Variants in RND1 observed in about 807,000 individuals in gnomAD.
The protein encoded by RND1 is rho-related GTP-binding protein Rho6.
Under a neutral mutation model 27.1 loss-of-function variants are expected in RND1, and 9 were observed. That is an observed-to-expected ratio of 0.33 (90% CI 0.20 to 0.58). The LOEUF (loss-of-function observed/expected upper bound fraction) is 0.58. RND1 is among the 20% of genes least tolerant of loss of function. The probability of loss-of-function intolerance (pLI) is 0.86; values close to 1 mark genes in which losing one functional copy is unlikely to be tolerated. For missense variants in RND1, 253 were observed against 292.2 expected (o/e 0.87, Z 0.98); for synonymous variants, 108 against 115.7 (o/e 0.93, Z 0.43).
intron 4 of RND1, 55 bp from the exon 5 acceptor site, chr12:48,858,296 T>C: frequency 6.3e-7 from 1 of 1,579,454 alleles, no homozygotes; most frequent in South Asian, 1.2e-5. Flanking sequence ...TCTGGGACGC[T>C]GCCTCTGTGC....
intron 1 of RND1, chr12:48,865,389 A>G: frequency 2.0e-6 from 1 of 510,170 alleles, no homozygotes; most frequent in Non-Finnish European, 3.6e-6. Flanking sequence ...GGGACGCAGG[A>G]AGGTGGAGGG....
In RND1 at chr12:48,865,684, C is replaced by T. The variant is rs1565684326; in HGVS notation, c.84G>A (p.Ala28=). ...LVGDVQCGKT[A]MLQVLAKDCY... ...AATCCTTCGCTAACACTTGCAACATCGCGGTCTTCCCACACTGCACGTCCC... is the reference window on the plus strand; with the variant it reads ...AATCCTTCGCTAACACTTGCAACATTGCGGTCTTCCCACACTGCACGTCCC... Residue 28 remains alanine, a synonymous_variant, in exon 1 of 5, where the codon GCG becomes GCA. Transcript: ENST00000309739. 1.9e-6 allele frequency: 3 copies of T among 1,614,148 alleles called. 1 individual carries two copies. Among genetic ancestry groups the T allele is most frequent in the Middle Eastern group, 3.3e-4 (2 of 6,062 alleles).
intron 3 of RND1, among the ~76,000 whole-genome samples, 176 bp downstream of exon 3, chr12:48,861,833 T>C (rs1480044377): frequency 6.6e-6 from 1 of 152,096 alleles, no homozygotes; most frequent in African/African-American, 2.4e-5. Flanking sequence ...GGCAGTGGGG[T>C]AAGGAGACCC....
chr12:48,857,474 A>T lies in RND1; in HGVS notation c.*522T>A, dbSNP rs2137505364. The T allele has an allele frequency of 6.5e-6, 1 of 153,894 alleles. No individual in the cohort carries two copies. Among genetic ancestry groups the T allele is most frequent in the East Asian group, 1.9e-4 (1 of 5,188 alleles). The allele number at this position is 153,894 out of a possible 1,614,324, so 9.5% of individuals were successfully genotyped here. A position where few individuals can be genotyped will look rare whatever the true frequency, so the allele number is the denominator to read the frequency against. Reference sequence around the variant, plus strand: ...TATGCAAAGATGAGGTTTCCTTCTCATTGGCTCTGACCAGCTCCTGCACTT... The same window carrying T: ...TATGCAAAGATGAGGTTTCCTTCTCTTTGGCTCTGACCAGCTCCTGCACTT... On this transcript the variant is annotated 3_prime_UTR_variant, in exon 5 of 5. Coordinates refer to ENST00000309739, the MANE Select transcript of RND1 (RefSeq NM_014470.4).
In RND1 at chr12:48,865,751, G is replaced by T. The variant is rs760538438; in HGVS notation, c.17C>A (p.Ala6Asp). 5.6e-6 allele frequency: 9 copies of T among 1,604,608 alleles called. No homozygotes were observed. The highest frequency in any genetic ancestry group is 1.7e-5 in the Admixed American group (1 of 59,676). The change falls in exon 1 of 5, where the codon GCC becomes GAC. Residue 6 changes from alanine to aspartate, a missense_variant. Ala to Asp is a moderately radical substitution (Grantham distance 126, BLOSUM62 -2). Transcript: ENST00000309739. ...ACATCTGGCCACGACTGGCTGGGGG[G>T]CCCGTCTCTCCTTCATGGTTGCAGT... is the stretch of plus-strand genomic sequence containing the variant. MKERRAPQPVVARCKL... is the reference protein window; with the variant it reads MKERRDPQPVVARCKL...
rs1938980579 is a variant in RND1 at position 48,865,824 on chromosome 12, G to T, written c.-57C>A. On this transcript the variant is annotated 5_prime_UTR_variant, in exon 1 of 5. Transcript: ENST00000309739. ...TTCAGAAGGGAGGGTTGCGCCAGGTGCGTCTCAGCACGCCAATCAAGCCAG... is the reference window on the plus strand; with the variant it reads ...TTCAGAAGGGAGGGTTGCGCCAGGTTCGTCTCAGCACGCCAATCAAGCCAG... The T allele has an allele frequency of 1.3e-6, 2 of 1,536,022 alleles. No individual in the cohort carries two copies. Among genetic ancestry groups the T allele is most frequent in the Admixed American group, 3.7e-5 (2 of 53,430 alleles).
At position 48,865,831 on chromosome 12, in the gene RND1, A is replaced by G. The variant is rs1175259089; in HGVS notation, c.-64T>C. On this transcript the variant is annotated 5_prime_UTR_variant, in exon 1 of 5. Coordinates refer to ENST00000309739, the MANE Select transcript of RND1 (RefSeq NM_014470.4). ...GGGAGGGTTGCGCCAGGTGCGTCTC[A>G]GCACGCCAATCAAGCCAGATTCCCT... 1.3e-6 allele frequency: 2 copies of G among 1,529,912 alleles called. No homozygotes were observed. Among genetic ancestry groups the G allele is most frequent in the South Asian group, 1.3e-5 (1 of 78,732 alleles). 94.8% of individuals were successfully genotyped at this position (1,529,912 alleles called of 1,614,324 possible). A position where few individuals can be genotyped will look rare whatever the true frequency, so the allele number is the denominator to read the frequency against.
intron 2 of RND1, among the ~76,000 whole-genome samples, chr12:48,864,384 G>GGTGTGTGTGTGTGTGT (rs539837491): frequency 4.3e-4 from 61 of 141,794 alleles, no homozygotes; most frequent in African/African-American, 1.6e-3. Flanking sequence ...GGAAGTAAAA[G>GGTGTGTGTGTGTGTGT]GTGTGTGTGT....
At chr12:48,865,627 G>T in intron 1 of RND1, 21 bp downstream of exon 1, 1 of 1,602,514 alleles carries the variant, frequency 6.2e-7, no homozygotes. Flanking sequence ...AAGCCGGCCA[G>T]CGGGCGGGCG....
intron 2 of RND1, among the ~76,000 whole-genome samples, chr12:48,863,341 C>G (rs1423399969): frequency 1.3e-5 from 2 of 151,840 alleles, no homozygotes; most frequent in Non-Finnish European, 2.9e-5. Context: ...GGGTGTGACA[C>G]AGGGAACAGA....
intron 1 of RND1, 126 bp from the exon 2 acceptor site, chr12:48,864,996 G>T: frequency 1.3e-6 from 1 of 761,890 alleles, no homozygotes; most frequent in Non-Finnish European, 2.4e-6. Context: ...CAGAGGAGAT[G>T]CCTGGGGCAG....
At position 48,861,070 on chromosome 12, in the gene RND1, G is replaced by A; in HGVS notation, c.380C>T (p.Thr127Ile). The A allele has an allele frequency of 6.2e-7, 1 of 1,614,168 alleles. No homozygotes were observed. The highest frequency in any genetic ancestry group is 8.5e-7 in the Non-Finnish European group (1 of 1,180,024). Residue 127 changes from threonine to isoleucine, a missense_variant, in exon 4 of 5, where the codon ACA becomes ATA. By Grantham distance (89) the Thr-to-Ile change is moderately conservative. Coordinates refer to ENST00000309739, the MANE Select transcript of RND1 (RefSeq NM_014470.4). The stretch of plus-strand genomic sequence containing the variant: ...AGTACTCAGGTCTGTTCGCAGGTCT[G>A]TCTTGCAGCCAATGAGCAAAACGCG... The part of the protein sequence containing the change: ...STRVLLIGCK[T>I]DLRTDLSTLM...
Position 48,865,567 on chromosome 12 carries a change from C to A in RND1, c.120+81G>T, listed in dbSNP as rs1165911694. 4.0e-6 allele frequency: 6 copies of A among 1,493,836 alleles called. No individual in the cohort carries two copies. The South Asian group carries it at 6.0e-5, about 15-fold the overall frequency. The allele number at this position is 1,493,836 out of a possible 1,614,324, so 92.5% of individuals were successfully genotyped here. ...GGATGGGCTGGGGCTGGGGGAGCCA[C>A]GTCTCCTGAGCAGGTGGAAATCTAC... On this transcript the variant is annotated intron_variant, in intron 1 of 4. Coordinates refer to ENST00000309739, the MANE Select transcript of RND1 (RefSeq NM_014470.4).
At chr12:48,864,230 A>C (rs1468295293) in intron 2 of RND1, among the ~76,000 whole-genome samples, 1 of 152,150 alleles carries the variant, frequency 6.6e-6, no homozygotes, top group Non-Finnish European at 1.5e-5. Context: ...GAGCTGCGGC[A>C]GGAGGACAGC....
intron 1 of RND1, chr12:48,865,322 A>G: frequency 2.4e-6 from 1 of 415,096 alleles, no homozygotes; most frequent in Non-Finnish European, 4.5e-6. Flanking sequence ...GATTACGTCA[A>G]GAAGAAACCC....
chr12:48,860,892 C>G (rs2137507970), intron 4 of RND1, 105 bp downstream of exon 4: 3 of 1,523,250 alleles, frequency 2.0e-6, no homozygotes, highest in South Asian at 2.3e-5. Context: ...AACAGCAATT[C>G]TCTCTTGCCA....
In RND1 at chr12:48,862,031, G is replaced by A; in HGVS notation, c.296C>T (p.Thr99Ile). 1.9e-6 allele frequency: 3 copies of A among 1,608,004 alleles called. No homozygotes were observed. The highest frequency in any genetic ancestry group is 2.6e-6 in the Non-Finnish European group (3 of 1,174,380). ...LLCFDISRPE[T>I]VDSALKKWRT... ...TACCTTCTTGAGTGCGCTGTCCACT[G>A]TCTCTGGACGGCTGATGTCAAAACA... Residue 99 changes from threonine to isoleucine, a missense_variant, in exon 3 of 5, where the codon ACA becomes ATA. Transcript: ENST00000309739.
intron 3 of RND1, 60 bp from the exon 4 acceptor site, chr12:48,861,191 G>T: frequency 6.5e-7 from 1 of 1,531,940 alleles, no homozygotes; most frequent in Non-Finnish European, 8.8e-7. Flanking sequence ...GTTAGTGGCA[G>T]ACAGATACCA....
At chr12:48,859,191 C>T (rs1182509626) in intron 4 of RND1, 2 of 151,654 alleles carry the variant, frequency 1.3e-5, no homozygotes, top group East Asian at 2.0e-4. Flanking sequence ...ATCTCCTGAC[C>T]TTGTGATCTG....
Sources: allele counts gnomAD v4.1 joint callset (sites outside exome capture counted in the v4.1 genomes callset), GRCh38; gene constraint gnomAD v4.1.1; transcripts MANE v1.5; gene names NCBI Gene and HGNC (gene_info 2026-07-23, HGNC 2026-07-21).